The following ALDH1A2 variants were observed in gnomAD, a reference collection of about 807,000 sequenced individuals.
ALDH1A2 encodes aldehyde dehydrogenase 1 family member A2.
ALDH1A2 carries 27 observed loss-of-function variants against 60.3 expected under a neutral mutation model. The observed-to-expected ratio is 0.45, with a 90% CI of 0.33 to 0.62. ALDH1A2 has a LOEUF of 0.62. ALDH1A2 is among the 20% of genes least tolerant of loss of function. The pLI is 0.02. For missense variants in ALDH1A2, 581 were observed against 643.8 expected, an observed-to-expected ratio of 0.90 and a Z score of 1.06; for synonymous variants, 289 against 232.4, an observed-to-expected ratio of 1.24 and a Z score of -2.21.
At chr15:57,960,722 ATATTTGCAATC>A in intron 12 of ALDH1A2, 37 bp downstream of exon 12, 1 of 1,502,072 alleles carries the variant, frequency 6.7e-7, no homozygotes, top group Non-Finnish European at 9.3e-7. Context: ...CTCTGTGCTG[ATATTTGCAATC>A]TATTTCTCTG....
chr15:58,055,933 T>C (rs1896884265), intron 1 of ALDH1A2, among the ~76,000 whole-genome samples: 1 of 152,140 alleles, frequency 6.6e-6, no homozygotes. Context: ...AATTATTTGC[T>C]ACCTATCCAT....
intron 7 of ALDH1A2, among the ~76,000 whole-genome samples, chr15:57,973,533 C>T (rs564095603): frequency 6.6e-6 from 1 of 152,292 alleles, no homozygotes; most frequent in East Asian, 1.9e-4. Flanking sequence ...CTCAGGTAGC[C>T]TGCAAAGTTA....
chr15:58,053,232 T>C (rs1170019718), intron 1 of ALDH1A2, among the ~76,000 whole-genome samples: 2 of 152,158 alleles, frequency 1.3e-5, no homozygotes, highest in African/African-American at 4.8e-5. Context: ...TTAAAATGCT[T>C]CTTCTAAGAG....
At chr15:57,955,609 A>G (rs1228476800) in intron 12 of ALDH1A2, among the ~76,000 whole-genome samples, 1 of 152,226 alleles carries the variant, frequency 6.6e-6, no homozygotes, top group African/African-American at 2.4e-5. Flanking sequence ...GGGCACACAG[A>G]TGACCCCAGG....
At chr15:58,058,187 TC>T in intron 1 of ALDH1A2, 1 of 870,454 alleles carries the variant, frequency 1.1e-6, no homozygotes, top group Non-Finnish European at 1.8e-6. Context: ...GGCAAAGCCT[TC>T]CCCTCCTCCT....
chr15:58,057,593 T>C (rs74018838), intron 1 of ALDH1A2, among the ~76,000 whole-genome samples: 368 of 152,320 alleles, frequency 2.4e-3, no homozygotes, highest in African/African-American at 8.5e-3. Flanking sequence ...CAATTCATTT[T>C]CTGTCAAATA....
intron 1 of ALDH1A2, among the ~76,000 whole-genome samples, chr15:58,048,825 T>C (rs1036956570): frequency 6.6e-6 from 1 of 152,038 alleles, no homozygotes; most frequent in Non-Finnish European, 1.5e-5. Context: ...TTTAAAATCT[T>C]AATACTCTGT....
chr15:57,979,237 A>G (rs1894392793), intron 7 of ALDH1A2, among the ~76,000 whole-genome samples: 1 of 151,866 alleles, frequency 6.6e-6, no homozygotes, highest in Admixed American at 6.6e-5. Flanking sequence ...TTCCCAGGGG[A>G]CTCATTTCCC....
chr15:58,039,920 C>T (rs34937050), intron 1 of ALDH1A2, among the ~76,000 whole-genome samples: 88 of 151,874 alleles, frequency 5.8e-4, no homozygotes, highest in African/African-American at 2.0e-3. Flanking sequence ...AGGCACTGTG[C>T]TAGGCATTGG....
chr15:58,028,615 T>C lies in ALDH1A2; in HGVS notation c.118-14334A>G, dbSNP rs1566953979. On this transcript the variant is annotated intron_variant, in intron 1 of 12. Coordinates refer to ENST00000249750, the MANE Select transcript of ALDH1A2 (RefSeq NM_003888.4). Reference sequence around the variant, plus strand: ...AAAAGACACAGACTGCTAAATTGGATAGAGTCAAGACCCATAAGTATGCTG... The same window carrying C: ...AAAAGACACAGACTGCTAAATTGGACAGAGTCAAGACCCATAAGTATGCTG... Among the ~76,000 whole-genome samples the C allele has an allele frequency of 2.0e-5, 3 of 151,872 alleles. No individual in the cohort carries two copies. The East Asian group carries it at 5.8e-4, about 29-fold the overall frequency.
At chr15:58,001,867 C>A (rs1566944532) in intron 4 of ALDH1A2, among the ~76,000 whole-genome samples, 2 of 151,744 alleles carry the variant, frequency 1.3e-5, no homozygotes, top group Non-Finnish European at 1.5e-5. Flanking sequence ...GATGGGGACA[C>A]CAGAAAATGT....
At chr15:57,957,384 TGAGA>T (rs1235822418) in intron 12 of ALDH1A2, among the ~76,000 whole-genome samples, 12 of 152,308 alleles carry the variant, frequency 7.9e-5, no homozygotes, top group African/African-American at 2.9e-4. Context: ...ACCAGGAGAC[TGAGA>T]GACAGATGGT....
chr15:57,982,893 C>T (rs1894563363), intron 7 of ALDH1A2, among the ~76,000 whole-genome samples: 1 of 152,182 alleles, frequency 6.6e-6, no homozygotes, highest in African/African-American at 2.4e-5. Flanking sequence ...CTGAGCATGT[C>T]ATGTTCAGTG....
At chr15:57,957,119 A>C (rs1333992037) in intron 12 of ALDH1A2, among the ~76,000 whole-genome samples, 1 of 152,216 alleles carries the variant, frequency 6.6e-6, no homozygotes, top group Admixed American at 6.5e-5. Context: ...TTAGAGCAGC[A>C]CGACTGAGGA....
intron 7 of ALDH1A2, among the ~76,000 whole-genome samples, chr15:57,966,384 C>T (rs74017083): frequency 1.5e-3 from 226 of 152,220 alleles, no homozygotes; most frequent in African/African-American, 5.2e-3. Flanking sequence ...TTGTAAATGC[C>T]GTTTATCTTG....
intron 1 of ALDH1A2, among the ~76,000 whole-genome samples, chr15:58,064,649 G>C (rs1897126019): frequency 6.6e-6 from 1 of 152,140 alleles, no homozygotes; most frequent in Non-Finnish European, 1.5e-5. Context: ...TCCAAGAAAC[G>C]TGGTTTTCAA....
At chr15:57,981,345 G>A (rs1815915648) in intron 7 of ALDH1A2, among the ~76,000 whole-genome samples, 1 of 139,748 alleles carries the variant, frequency 7.2e-6, no homozygotes, top group South Asian at 2.2e-4. Context: ...CACAAACACT[G>A]ACTGGTAGCC....
intron 1 of ALDH1A2, among the ~76,000 whole-genome samples, chr15:58,048,674 G>T (rs1159362826): frequency 6.6e-6 from 1 of 151,900 alleles, no homozygotes; most frequent in Non-Finnish European, 1.5e-5. Context: ...TTTGACTCAG[G>T]ATTCCATGGG....
At chr15:58,032,028 A>T (rs1433326382) in intron 1 of ALDH1A2, among the ~76,000 whole-genome samples, 6 of 152,050 alleles carry the variant, frequency 3.9e-5, no homozygotes, top group African/African-American at 9.7e-5. Flanking sequence ...GGATTATAAA[A>T]CATGCTGCTA....
Sources: gnomAD v4.1 joint callset for allele counts (sites outside exome capture counted in the v4.1 genomes callset) on GRCh38, gnomAD v4.1.1 for gene constraint, MANE v1.5 for transcripts, NCBI Gene and HGNC (gene_info 2026-07-23, HGNC 2026-07-21) for gene names.